The following SCML4 variants were observed in gnomAD, a reference collection of about 807,000 sequenced individuals.
SCML4 encodes the protein sex comb on midleg-like protein 4.
SCML4 carries 34 observed loss-of-function variants against 41.1 expected under a neutral mutation model. That is an observed-to-expected ratio of 0.83 (90% CI 0.63 to 1.10). The LOEUF (loss-of-function observed/expected upper bound fraction) is 1.10, where lower values mean the gene tolerates loss of function less well. SCML4 is among the 50% of genes least tolerant of loss of function. The pLI, the probability that SCML4 is intolerant of heterozygous loss-of-function variation, is 0.00. For missense variants in SCML4, 522 were observed against 534.1 expected (o/e 0.98, Z 0.22); for synonymous variants, 214 against 220.9 (o/e 0.97, Z 0.28).
intron 2 of SCML4, among the ~76,000 whole-genome samples, chr6:107,770,345 C>T (rs1428600815): frequency 2.6e-5 from 4 of 151,974 alleles, no homozygotes; most frequent in African/African-American, 9.7e-5. Context: ...TTCATGAAGA[C>T]TTTCAAATGG....
chr6:107,775,325 T>C (rs7741285), intron 1 of SCML4, among the ~76,000 whole-genome samples: 65,350 of 152,086 alleles, frequency 0.43, 16,153 homozygotes, highest in East Asian at 0.72. Flanking sequence ...CGCTAGGGTT[T>C]CCTGAGCTTA....
chr6:107,750,598 C>G (rs1241387956), intron 2 of SCML4, among the ~76,000 whole-genome samples: 3 of 152,152 alleles, frequency 2.0e-5, no homozygotes, highest in African/African-American at 7.2e-5. Context: ...ATATCTAGAC[C>G]TCACTCTAGA....
chr6:107,762,876 C>CTTTTTT (rs57370632), intron 2 of SCML4, among the ~76,000 whole-genome samples: 4 of 89,654 alleles, frequency 4.5e-5, no homozygotes, highest in East Asian at 3.8e-4. Context: ...TAAATGCACT[C>CTTTTTT]TTTTTTTTTT....
chr6:107,761,873 T>C (rs891065883), intron 2 of SCML4, among the ~76,000 whole-genome samples: 1 of 151,924 alleles, frequency 6.6e-6, no homozygotes, highest in Non-Finnish European at 1.5e-5. Context: ...TGAGAGTTTA[T>C]CACTACAGGG....
At chr6:107,742,869 A>G (rs2141267) in intron 5 of SCML4, among the ~76,000 whole-genome samples, 151,915 of 152,228 alleles carry the variant, frequency 1, 75,802 homozygotes, top group Non-Finnish European at 1. Context: ...TTACGTACAC[A>G]GACAAACCCA....
At chr6:107,791,280 A>G (rs1782305009) in intron 1 of SCML4, among the ~76,000 whole-genome samples, 1 of 152,154 alleles carries the variant, frequency 6.6e-6, no homozygotes, top group Non-Finnish European at 1.5e-5. Flanking sequence ...AGAAAAGAGA[A>G]GGGTCTCAAA....
In SCML4 at chr6:107,729,596, A is replaced by G. The variant is rs191473150; in HGVS notation, c.683-8603T>C. ...AACCAGTAAATGTTTTTTTATTGTC[A>G]TGTATTTCAATGTACATCCACGACA... On this transcript the variant is annotated intron_variant, in intron 5 of 7. Coordinates refer to ENST00000369020, the MANE Select transcript of SCML4 (RefSeq NM_198081.5). 1.3e-4 allele frequency among the ~76,000 whole-genome samples: 20 copies of G among 152,330 alleles called. No homozygotes were observed. In the East Asian group the frequency reaches 3.3e-3, roughly 25 times the overall value.
rs1399513971 is a variant in SCML4 at position 107,817,575 on chromosome 6, C to G, written c.-60+6551G>C. Among the ~76,000 whole-genome samples, 6 of 135,488 alleles carry G rather than the reference C, an allele frequency of 4.4e-5. No homozygotes were observed. The East Asian group carries it at 1.3e-3, about 30-fold the overall frequency. 88.9% of individuals were successfully genotyped at this position (135,488 alleles called of 152,430 possible). A position where few individuals can be genotyped will look rare whatever the true frequency, so the allele number is the denominator to read the frequency against. ...GGCAGAGGCTGCCGTGAGCTGAGAT[C>G]GCACCACTGTACTCCAGCCTGGGCA... On this transcript the variant is annotated intron_variant, in intron 1 of 7. Transcript: ENST00000369020.
At chr6:107,711,339 C>G (rs1449574271) in intron 6 of SCML4, among the ~76,000 whole-genome samples, 1 of 152,206 alleles carries the variant, frequency 6.6e-6, no homozygotes, top group Non-Finnish European at 1.5e-5. Context: ...TCATGCACCG[C>G]CTAAGGACGG....
chr6:107,748,281 C>G (rs1293822442), intron 3 of SCML4, among the ~76,000 whole-genome samples: 1 of 152,322 alleles, frequency 6.6e-6, no homozygotes, highest in East Asian at 1.9e-4. Flanking sequence ...CTCCCATAAG[C>G]ATCTTACCTT....
rs1562248929 is a variant in SCML4 at position 107,778,225 on chromosome 6, ATATATATATATAT to A, written c.-59-5852_-59-5840del. On this transcript the variant is annotated intron_variant, in intron 1 of 7. Transcript: ENST00000369020. ...AAAAAAAAAAAAAAAAAAAAAAAAT[ATATATATATATAT>A]ATATATATATATATATATATATATA... Among the ~76,000 whole-genome samples the A allele has an allele frequency of 5.7e-3, 36 of 6,322 alleles. 1 individual carries two copies. Among genetic ancestry groups the A allele is most frequent in the South Asian group, 9.1e-3 (1 of 110 alleles). 4.1% of individuals were successfully genotyped at this position (6,322 alleles called of 152,430 possible).
chr6:107,733,908 A>T (rs1473033177), intron 5 of SCML4, among the ~76,000 whole-genome samples: 3 of 152,230 alleles, frequency 2.0e-5, no homozygotes, highest in Non-Finnish European at 4.4e-5. Flanking sequence ...ACACAGACAC[A>T]ACTATTTGAT....
At chr6:107,779,835 A>G (rs943411352) in intron 1 of SCML4, among the ~76,000 whole-genome samples, 2 of 152,218 alleles carry the variant, frequency 1.3e-5, no homozygotes, top group Non-Finnish European at 2.9e-5. Flanking sequence ...ACCATTTCCA[A>G]GGTGGCTCAA....
At chr6:107,815,656 T>G (rs2139084) in intron 1 of SCML4, among the ~76,000 whole-genome samples, 103,468 of 152,122 alleles carry the variant, frequency 0.68, 35,295 homozygotes, top group East Asian at 0.81. Context: ...TGATCACTTC[T>G]TTCTGTTGCC....
At chr6:107,720,534 T>C (rs1329479227) in intron 6 of SCML4, 169 bp downstream of exon 6, 3 of 1,386,432 alleles carry the variant, frequency 2.2e-6, no homozygotes, top group Non-Finnish European at 1.9e-6. Context: ...AGGTTGAGTT[T>C]GGCTGTTTTT....
At chr6:107,829,636 T>G in the SCML4 span, among the ~76,000 whole-genome samples, 71 of 152,188 alleles carry the variant, frequency 4.7e-4, 1 homozygote, top group South Asian at 3.7e-3. Flanking sequence ...ACCTAATGCG[T>G]GCGGGGCTTA....
intron 6 of SCML4, among the ~76,000 whole-genome samples, chr6:107,714,973 C>G (rs1369659132): frequency 2.2e-5 from 2 of 89,990 alleles, no homozygotes; most frequent in African/African-American, 7.0e-5. Flanking sequence ...TGCACAAACC[C>G]TTTATTTTTT....
chr6:107,731,643 G>A (rs1384923230), intron 5 of SCML4, among the ~76,000 whole-genome samples: 2 of 152,192 alleles, frequency 1.3e-5, no homozygotes, highest in South Asian at 2.1e-4. Context: ...CAGCCCTGCC[G>A]ACCCCCACAC....
chr6:107,775,718 A>G (rs560270781), intron 1 of SCML4, among the ~76,000 whole-genome samples: 1 of 152,208 alleles, frequency 6.6e-6, no homozygotes, highest in Non-Finnish European at 1.5e-5. Context: ...ATCCAAACTG[A>G]CTTTAGAAAA....
Sources: allele counts gnomAD v4.1 joint callset (sites outside exome capture counted in the v4.1 genomes callset), GRCh38; gene constraint gnomAD v4.1.1; transcripts MANE v1.5; gene names NCBI Gene and HGNC (gene_info 2026-07-23, HGNC 2026-07-21).